The following PIP4K2B variants were observed in gnomAD, a reference collection of about 807,000 sequenced individuals.
PIP4K2B encodes the protein phosphatidylinositol-5-phosphate 4-kinase type 2 beta.
A neutral mutation model predicts 42.0 loss-of-function variants in PIP4K2B; 3 were observed. The ratio of observed to expected loss-of-function variants is 0.07; its 90% CI spans 0.03 to 0.18. The LOEUF is 0.18. PIP4K2B is among the 10% of genes least tolerant of loss of function. PIP4K2B has a pLI of 1.00. For synonymous variants in PIP4K2B, 204 were observed against 210.1 expected (o/e 0.97, Z 0.25); for missense variants, 332 against 562.3 (o/e 0.59, Z 4.14).
Position 38,771,177 on chromosome 17 carries a change from C to T in PIP4K2B, c.903G>A (p.Arg301=). ...AEQEEMEVEE[R]AEDEECENDG... ...CATTCTCACACTCCTCGTCCTCTGCCCGCTCCTCCACCTCCATCTCCTCCT... is the reference window on the plus strand; with the variant it reads ...CATTCTCACACTCCTCGTCCTCTGCTCGCTCCTCCACCTCCATCTCCTCCT... Residue 301 remains arginine (R), a synonymous_variant, in exon 8 of 10, where the codon CGG becomes CGA. Coordinates refer to ENST00000619039, the MANE Select transcript of PIP4K2B (RefSeq NM_003559.5). 6.2e-7 allele frequency: 1 copy of T among 1,614,116 alleles called. No individual in the cohort carries two copies. Among genetic ancestry groups the T allele is most frequent in the Non-Finnish European group, 8.5e-7 (1 of 1,180,020 alleles).
intron 1 of PIP4K2B, among the ~76,000 whole-genome samples, chr17:38,793,847 G>T (rs1018258483): frequency 6.6e-6 from 1 of 151,608 alleles, no homozygotes; most frequent in Non-Finnish European, 1.5e-5. Context: ...ACTTCAGCCT[G>T]TGCAAGAGCG....
chr17:38,777,351 T>C (rs114639071), intron 7 of PIP4K2B, among the ~76,000 whole-genome samples: 154 of 152,294 alleles, frequency 1.0e-3, no homozygotes, highest in African/African-American at 3.1e-3. Flanking sequence ...AGGACCTTAA[T>C]AGCTGGGTTC....
At chr17:38,781,302 T>C (rs1343621380) in intron 3 of PIP4K2B, among the ~76,000 whole-genome samples, 1 of 151,754 alleles carries the variant, frequency 6.6e-6, no homozygotes, top group Non-Finnish European at 1.5e-5. Context: ...CCTACTCCCA[T>C]TAGGATCAGA....
chr17:38,797,685 A>G (rs1910728377), intron 1 of PIP4K2B, among the ~76,000 whole-genome samples: 1 of 152,208 alleles, frequency 6.6e-6, no homozygotes, highest in African/African-American at 2.4e-5. Context: ...TTTCTGTGAG[A>G]AACAGAACCA....
At chr17:38,778,275 C>G (rs1310420160) in intron 6 of PIP4K2B, 59 bp downstream of exon 6, 2 of 1,529,654 alleles carry the variant, frequency 1.3e-6, no homozygotes, top group East Asian at 2.2e-5. Flanking sequence ...ACAGGATGGC[C>G]GACAGGAGTT....
In PIP4K2B at chr17:38,779,488, G is replaced by A; in HGVS notation, c.549C>T (p.Phe183=). ...CCACGGTCAGGCGGTACATGCCCAG[G>A]AACTGTGGCAAAAGCGTGTTGCCAT... is the stretch of plus-strand genomic sequence containing the variant. ...ECHGNTLLPQ[F]LGMYRLTVDG... Residue 183 remains phenylalanine, a synonymous_variant, in exon 5 of 10, where the codon TTC becomes TTT. Coordinates refer to ENST00000619039, the MANE Select transcript of PIP4K2B (RefSeq NM_003559.5). The A allele has an allele frequency of 6.2e-7, 1 of 1,614,020 alleles. No homozygotes were observed.
At chr17:38,788,311 C>T (rs1166711303) in intron 1 of PIP4K2B, among the ~76,000 whole-genome samples, 3 of 152,026 alleles carry the variant, frequency 2.0e-5, no homozygotes, top group Non-Finnish European at 2.9e-5. Flanking sequence ...CACCATTCTC[C>T]TGCCTCAGCC....
chr17:38,779,645 G>A, intron 4 of PIP4K2B, 116 bp from the exon 5 acceptor site: 1 of 853,678 alleles, frequency 1.2e-6, no homozygotes. Context: ...CTCTAGACCA[G>A]TAGTTCTCCA....
At chr17:38,789,547 A>C (rs1428402344) in intron 1 of PIP4K2B, among the ~76,000 whole-genome samples, 1 of 152,144 alleles carries the variant, frequency 6.6e-6, no homozygotes, top group Non-Finnish European at 1.5e-5. Context: ...CAGTGAGGGG[A>C]TAACCTAGAG....
In PIP4K2B at chr17:38,777,914, A is replaced by G. The variant is rs58411877; in HGVS notation, c.694-114T>C. On this transcript the variant is annotated intron_variant, in intron 6 of 9. Coordinates refer to ENST00000619039, the MANE Select transcript of PIP4K2B (RefSeq NM_003559.5). Reference sequence around the variant, plus strand: ...AAGGGGAAGGAGGGGTTGTCAGTGTACCGACCCTCAACCTGCTAAATCAGC... The same window carrying G: ...AAGGGGAAGGAGGGGTTGTCAGTGTGCCGACCCTCAACCTGCTAAATCAGC... The G allele has an allele frequency of 0.011, 8,100 of 746,096 alleles. 440 individuals are homozygous for G. The African/African-American group carries it at 0.12, about 11-fold the overall frequency. 46.2% of individuals were successfully genotyped at this position (746,096 alleles called of 1,614,324 possible).
chr17:38,786,417 A>G (rs1443148200), intron 2 of PIP4K2B, among the ~76,000 whole-genome samples: 1 of 152,200 alleles, frequency 6.6e-6, no homozygotes, highest in Non-Finnish European at 1.5e-5. Context: ...CACCAGCCAG[A>G]CAGAAAAGAG....
intron 1 of PIP4K2B, chr17:38,792,697 A>T (rs1910403833): frequency 6.6e-6 from 1 of 152,230 alleles, no homozygotes; most frequent in Admixed American, 6.5e-5. Context: ...CCACCATCAG[A>T]AAACATGACA....
At chr17:38,795,607 T>C (rs1385088689) in intron 1 of PIP4K2B, among the ~76,000 whole-genome samples, 1 of 151,402 alleles carries the variant, frequency 6.6e-6, no homozygotes, top group Non-Finnish European at 1.5e-5. Flanking sequence ...AAAAGTTAGC[T>C]GGGTGTGGTG....
chr17:38,779,782 T>C (rs1335729946), intron 4 of PIP4K2B: 2 of 463,696 alleles, frequency 4.3e-6, no homozygotes, highest in Non-Finnish European at 3.9e-6. Context: ...TGTGGGTTCA[T>C]ATTATTAGTA....
chr17:38,784,137 GAC>G, intron 3 of PIP4K2B, 104 bp downstream of exon 3: 1 of 699,920 alleles, frequency 1.4e-6, no homozygotes, highest in South Asian at 1.8e-5. Context: ...ATGACAGGGA[GAC>G]ACAGCACAAA....
intron 1 of PIP4K2B, among the ~76,000 whole-genome samples, chr17:38,796,039 G>A (rs1910643862): frequency 6.6e-6 from 1 of 152,146 alleles, no homozygotes; most frequent in Non-Finnish European, 1.5e-5. Flanking sequence ...TGAGGAGGCT[G>A]AAGCAGGAGA....
chr17:38,777,965 T>C (rs1377446037), intron 6 of PIP4K2B, among the ~76,000 whole-genome samples, 165 bp from the exon 7 acceptor site: 2 of 152,160 alleles, frequency 1.3e-5, no homozygotes, highest in Non-Finnish European at 2.9e-5. Context: ...AGTCCCAGGC[T>C]TTGGGTGGGC....
At chr17:38,773,267 A>G (rs1415606303) in intron 7 of PIP4K2B, among the ~76,000 whole-genome samples, 1 of 152,186 alleles carries the variant, frequency 6.6e-6, no homozygotes, top group Non-Finnish European at 1.5e-5. Context: ...CCAGGTAAAA[A>G]TAGAAAAAAA....
chr17:38,779,307 T>A, intron 5 of PIP4K2B, 76 bp downstream of exon 5: 1 of 1,380,284 alleles, frequency 7.2e-7, no homozygotes, highest in Non-Finnish European at 1.0e-6. Context: ...CCCAATTACA[T>A]GGAAGTTGGA....
Sources: gnomAD v4.1 joint callset for allele counts (sites outside exome capture counted in the v4.1 genomes callset) on GRCh38, gnomAD v4.1.1 for gene constraint, MANE v1.5 for transcripts, NCBI Gene and HGNC (gene_info 2026-07-23, HGNC 2026-07-21) for gene names.